The following CHN2 variants were observed in gnomAD, a reference collection of about 807,000 sequenced individuals.
CHN2 encodes chimerin 2.
CHN2 carries 35 observed loss-of-function variants against 56.3 expected under a neutral mutation model. The observed-to-expected ratio is 0.62, with a 90% CI of 0.47 to 0.82. CHN2 has a LOEUF of 0.82. Among genes scored for constraint, CHN2 ranks in the 40% least tolerant of loss-of-function variants. The pLI is 0.00. For synonymous variants in CHN2, 210 were observed against 212.8 expected (o/e 0.99, Z 0.12); for missense variants, 491 against 580.5 (o/e 0.85, Z 1.58).
chr7:29,374,580 T>TG (rs1799880748), intron 3 of CHN2, among the ~76,000 whole-genome samples: 1 of 152,010 alleles, frequency 6.6e-6, no homozygotes, highest in Non-Finnish European at 1.5e-5. Flanking sequence ...CATAAGCGCT[T>TG]GGGTAAGGGC....
chr7:29,305,196 G>A (rs1794045676), intron 1 of CHN2, among the ~76,000 whole-genome samples: 1 of 152,152 alleles, frequency 6.6e-6, no homozygotes, highest in Non-Finnish European at 1.5e-5. Context: ...CCGGGGAAAG[G>A]GGTGTTTTTC....
Position 29,495,986 on chromosome 7 carries a change from A to G in CHN2, c.689A>G (p.Tyr230Cys). ...TTCCGAGGCCCACACTGGTGTGAAT[A>G]TTGTGCCAATTTCATGTGGGGGCTC... is the stretch of plus-strand genomic sequence containing the variant. ...HTFRGPHWCEYCANFMWGLIA... is the reference protein window; with the variant it reads ...HTFRGPHWCECCANFMWGLIA... The change falls in exon 8 of 13, where the codon TAT becomes TGT. Residue 230 changes from tyrosine to cysteine, a missense_variant. Coordinates refer to ENST00000222792, the MANE Select transcript of CHN2 (RefSeq NM_004067.4). 1 of 1,612,824 alleles carries G rather than the reference A, an allele frequency of 6.2e-7. No homozygotes were observed. The highest frequency in any genetic ancestry group is 8.5e-7 in the Non-Finnish European group (1 of 1,179,610).
intron 2 of CHN2, among the ~76,000 whole-genome samples, chr7:29,152,419 A>T (rs1389903485): frequency 1.3e-5 from 2 of 152,194 alleles, no homozygotes; most frequent in East Asian, 3.8e-4. Context: ...CTCTATTCTC[A>T]GTTCCTGGCT....
Position 29,246,885 on chromosome 7 carries a change from C to T in CHN2, c.49+51895C>T, listed in dbSNP as rs538081742. Among the ~76,000 whole-genome samples the T allele has an allele frequency of 8.5e-5, 13 of 152,296 alleles. 1 individual carries two copies. In the South Asian group the frequency reaches 2.7e-3, roughly 32 times the overall value. On this transcript the variant is annotated intron_variant, in intron 1 of 12. Coordinates refer to ENST00000222792, the MANE Select transcript of CHN2 (RefSeq NM_004067.4). ...GTAATGAAGGGCCAGCTCTCATGAA[C>T]TAAACACCTTACAAGGGCCCCGCCT...
At chr7:29,302,203 T>C (rs1349635025) in intron 1 of CHN2, among the ~76,000 whole-genome samples, 1 of 152,254 alleles carries the variant, frequency 6.6e-6, no homozygotes, top group Admixed American at 6.5e-5. Context: ...ATAAATGTTA[T>C]CATTTTAGCT....
At chr7:29,195,765 C>G (rs1783655813) in intron 1 of CHN2, among the ~76,000 whole-genome samples, 1 of 152,006 alleles carries the variant, frequency 6.6e-6, no homozygotes, top group Non-Finnish European at 1.5e-5. Context: ...GGGAAGGCTT[C>G]TTTCAGCTTT....
At position 29,165,120 on chromosome 7, in the gene CHN2, A is replaced by G. The variant is rs184447704; in HGVS notation, c.274+18160A>G. ...CTGCTGATTTTTTTATTGGCATTGC[A>G]TTTAATCTAAAGATCAATGTGGGGA... On this transcript the variant is annotated intron_variant, in intron 2 of 6. Coordinates refer to the CHN2 transcript ENST00000439384. Among the ~76,000 whole-genome samples, 513 of 152,288 alleles carry G rather than the reference A, an allele frequency of 3.4e-3. 4 individuals are homozygous for G. Among genetic ancestry groups the G allele is most frequent in the African/African-American group, 0.012 (485 of 41,580 alleles).
chr7:29,231,287 G>T (rs1460103814), intron 1 of CHN2, among the ~76,000 whole-genome samples: 2 of 152,288 alleles, frequency 1.3e-5, no homozygotes, highest in African/African-American at 2.4e-5. Context: ...ACAGCAAACA[G>T]GTTATGTGTT....
At chr7:29,279,883 T>C (rs1316507306) in intron 1 of CHN2, among the ~76,000 whole-genome samples, 1 of 152,176 alleles carries the variant, frequency 6.6e-6, no homozygotes, top group Non-Finnish European at 1.5e-5. Context: ...AGCAAAATGA[T>C]TCTAGCAGCA....
chr7:29,425,557 T>C (rs553136017), intron 6 of CHN2, among the ~76,000 whole-genome samples: 47 of 152,326 alleles, frequency 3.1e-4, no homozygotes, highest in African/African-American at 7.9e-4. Flanking sequence ...TTTCCACTTA[T>C]CTTATGGATC....
intron 1 of CHN2, among the ~76,000 whole-genome samples, chr7:29,197,361 C>T (rs1267957172): frequency 6.6e-6 from 1 of 152,190 alleles, no homozygotes; most frequent in Non-Finnish European, 1.5e-5. Flanking sequence ...CACCGACCAG[C>T]TGGGTATCTT....
chr7:29,280,198 AC>A (rs1454286932), intron 1 of CHN2, among the ~76,000 whole-genome samples: 4 of 152,100 alleles, frequency 2.6e-5, no homozygotes, highest in African/African-American at 9.7e-5. Flanking sequence ...AGCCTGGCCA[AC>A]ATGGCGAAAC....
intron 1 of CHN2, among the ~76,000 whole-genome samples, chr7:29,324,196 T>C (rs1226106732): frequency 6.6e-6 from 1 of 152,186 alleles, no homozygotes; most frequent in Non-Finnish European, 1.5e-5. Context: ...TCTTAGGTTC[T>C]ACAATAGTGA....
At chr7:29,404,894 T>C (rs1442005351) in intron 6 of CHN2, among the ~76,000 whole-genome samples, 2 of 151,902 alleles carry the variant, frequency 1.3e-5, no homozygotes, top group Admixed American at 1.3e-4. Flanking sequence ...ATTTTTTTCA[T>C]GCAAAGTCAT....
intron 1 of CHN2, among the ~76,000 whole-genome samples, chr7:29,345,837 C>T (rs1447812821): frequency 1.3e-5 from 2 of 152,150 alleles, no homozygotes; most frequent in African/African-American, 2.4e-5. Flanking sequence ...CAAGGCCCTC[C>T]ATGGCTTCAT....
chr7:29,364,225 C>T (rs1461832398), intron 2 of CHN2, among the ~76,000 whole-genome samples: 2 of 152,228 alleles, frequency 1.3e-5, no homozygotes, highest in African/African-American at 4.8e-5. Flanking sequence ...GTGCCCTTCT[C>T]TTCTCCCAGA....
intron 1 of CHN2, among the ~76,000 whole-genome samples, chr7:29,320,680 C>T (rs1052417333): frequency 6.6e-6 from 1 of 152,110 alleles, no homozygotes; most frequent in African/African-American, 2.4e-5. Context: ...CAAACTGTCT[C>T]GTCACCCACA....
At chr7:29,254,335 G>C (rs1788891738) in intron 1 of CHN2, among the ~76,000 whole-genome samples, 1 of 152,192 alleles carries the variant, frequency 6.6e-6, no homozygotes, top group African/African-American at 2.4e-5. Context: ...TAATGGAGGA[G>C]ACTAGTGCTA....
At chr7:29,408,795 A>G (rs576260091) in intron 6 of CHN2, among the ~76,000 whole-genome samples, 5 of 152,332 alleles carry the variant, frequency 3.3e-5, no homozygotes, top group Admixed American at 2.6e-4. Context: ...TCAAAGAGGA[A>G]CGGAAGAGGA....
Sources: allele counts gnomAD v4.1 joint callset (sites outside exome capture counted in the v4.1 genomes callset), GRCh38; gene constraint gnomAD v4.1.1; transcripts MANE v1.5; gene names NCBI Gene and HGNC (gene_info 2026-07-23, HGNC 2026-07-21).